Variants in CDH18 observed in about 807,000 individuals in gnomAD.
The protein encoded by CDH18 is cadherin 18.
CDH18 carries 31 observed loss-of-function variants against 67.9 expected under a neutral mutation model. The observed-to-expected ratio is 0.46, with a 90% CI of 0.34 to 0.62. The LOEUF (loss-of-function observed/expected upper bound fraction) is 0.62, where lower values mean the gene tolerates loss of function less well. Among genes scored for constraint, CDH18 ranks in the 20% least tolerant of loss-of-function variants. The pLI is 0.01. For synonymous variants in CDH18, 362 were observed against 347.2 expected, an observed-to-expected ratio of 1.04 and a Z score of -0.48; for missense variants, 890 against 975.5, an observed-to-expected ratio of 0.91 and a Z score of 1.17.
intron 2 of CDH18, among the ~76,000 whole-genome samples, chr5:20,157,862 G>A (rs572006196): frequency 7.9e-5 from 12 of 151,994 alleles, no homozygotes; most frequent in Admixed American, 2.0e-4. Flanking sequence ...GGATGGTCTC[G>A]ATCTCCTGAC....
chr5:19,933,979 G>A lies in CDH18; in HGVS notation c.-257+47081C>T, dbSNP rs556050986. On this transcript the variant is annotated intron_variant, in intron 2 of 12. Transcript: ENST00000382275. Reference sequence around the variant, plus strand: ...AATGTTCAAATTGCAACAATTCATAGCTACTTGGATGTCTAAGAGCATCTT... The same window carrying A: ...AATGTTCAAATTGCAACAATTCATAACTACTTGGATGTCTAAGAGCATCTT... Among the ~76,000 whole-genome samples, 58 of 151,454 alleles carry A rather than the reference G, an allele frequency of 3.8e-4. No homozygotes were observed. The East Asian group carries it at 9.3e-3, about 24-fold the overall frequency.
chr5:19,904,902 C>A (rs1489266186), intron 2 of CDH18, among the ~76,000 whole-genome samples: 1 of 151,950 alleles, frequency 6.6e-6, no homozygotes, highest in East Asian at 1.9e-4. Context: ...TTGAAAAATG[C>A]AGAGATTCAA....
chr5:20,488,161 T>C (rs1753326638), intron 1 of CDH18, among the ~76,000 whole-genome samples: 1 of 152,308 alleles, frequency 6.6e-6, no homozygotes, highest in South Asian at 2.1e-4. Context: ...TATCCTCATG[T>C]TATAAAATAT....
chr5:20,541,525 T>C (rs966076285), intron 1 of CDH18, among the ~76,000 whole-genome samples: 1 of 152,116 alleles, frequency 6.6e-6, no homozygotes, highest in Non-Finnish European at 1.5e-5. Flanking sequence ...AAACCCTAGA[T>C]AAAATATTAA....
chr5:19,741,409 G>T (rs1236094999), intron 4 of CDH18, among the ~76,000 whole-genome samples: 1 of 150,414 alleles, frequency 6.6e-6, no homozygotes, highest in Non-Finnish European at 1.5e-5. Context: ...AATTCAAGTG[G>T]TCTTCTAAAT....
chr5:19,499,577 C>A (rs572732278), intron 11 of CDH18, among the ~76,000 whole-genome samples: 59 of 151,864 alleles, frequency 3.9e-4, no homozygotes, highest in African/African-American at 1.3e-3. Flanking sequence ...ATACATATTT[C>A]TTTTACTGTT....
At chr5:19,729,911 T>C (rs1169788749) in intron 4 of CDH18, among the ~76,000 whole-genome samples, 1 of 152,166 alleles carries the variant, frequency 6.6e-6, no homozygotes, top group Non-Finnish European at 1.5e-5. Context: ...GCTTTCCTTA[T>C]CAACAGAATA....
chr5:19,903,541 G>A (rs1207613224), intron 2 of CDH18, among the ~76,000 whole-genome samples: 11 of 124,762 alleles, frequency 8.8e-5, no homozygotes, highest in East Asian at 5.0e-4. Flanking sequence ...GTGTGTGTGT[G>A]TATATATATA....
At chr5:19,572,708 C>T (rs1246067237) in intron 7 of CDH18, among the ~76,000 whole-genome samples, 1 of 152,138 alleles carries the variant, frequency 6.6e-6, no homozygotes, top group Admixed American at 6.5e-5. Flanking sequence ...GAAGGTTTCG[C>T]TCTAATTACC....
intron 4 of CDH18, among the ~76,000 whole-genome samples, chr5:19,740,407 ACAAATTT>A (rs1463405203): frequency 1.3e-5 from 2 of 152,144 alleles, no homozygotes; most frequent in Non-Finnish European, 2.9e-5. Flanking sequence ...TGCAATAGAA[ACAAATTT>A]CAGTTAATAC....
In CDH18 at chr5:19,472,687, A is replaced by G. The variant is rs1337799056; in HGVS notation, c.*539T>C. Among the ~76,000 whole-genome samples, 1 of 152,128 alleles carries G rather than the reference A, an allele frequency of 6.6e-6. No individual in the cohort carries two copies. The highest frequency in any genetic ancestry group is 1.5e-5 in the Non-Finnish European group (1 of 68,020). ...GGGAAATGGTACATACAAGTCCATGATAGAGTGGAAATACCTCATGTAATA... is the reference window on the plus strand; with the variant it reads ...GGGAAATGGTACATACAAGTCCATGGTAGAGTGGAAATACCTCATGTAATA... On this transcript the variant is annotated 3_prime_UTR_variant, in exon 13 of 13. Transcript: ENST00000382275.
At chr5:19,633,610 G>A (rs1580611349) in intron 5 of CDH18, among the ~76,000 whole-genome samples, 5 of 151,908 alleles carry the variant, frequency 3.3e-5, no homozygotes, top group Middle Eastern at 3.4e-3. Flanking sequence ...TCTGGCTACC[G>A]AAACTTGTTT....
intron 1 of CDH18, among the ~76,000 whole-genome samples, chr5:20,370,593 A>G (rs1742899358): frequency 6.6e-6 from 1 of 152,198 alleles, no homozygotes; most frequent in Non-Finnish European, 1.5e-5. Flanking sequence ...AGTATTGAAA[A>G]GACACAGGTG....
intron 2 of CDH18, among the ~76,000 whole-genome samples, chr5:20,250,286 T>A (rs149000466): frequency 1.6e-4 from 24 of 151,584 alleles, no homozygotes; most frequent in Admixed American, 5.2e-4. Flanking sequence ...TTTATTTTTT[T>A]TTTTATTTTA....
chr5:19,969,857 A>T (rs1198679768), intron 2 of CDH18, among the ~76,000 whole-genome samples: 1 of 152,110 alleles, frequency 6.6e-6, no homozygotes, highest in African/African-American at 2.4e-5. Context: ...TAAAATAAAA[A>T]AAGAAGGTGT....
chr5:19,737,418 G>A (rs150695571), intron 4 of CDH18, among the ~76,000 whole-genome samples: 1 of 152,112 alleles, frequency 6.6e-6, no homozygotes, highest in Non-Finnish European at 1.5e-5. Context: ...CTCTATGCCT[G>A]GTCACTATGC....
intron 2 of CDH18, among the ~76,000 whole-genome samples, chr5:20,120,641 A>G (rs953725975): frequency 6.6e-6 from 1 of 152,174 alleles, no homozygotes. Flanking sequence ...CCAATGCAAT[A>G]CACTGTTCTT....
At chr5:19,677,621 T>C (rs908080147) in intron 5 of CDH18, among the ~76,000 whole-genome samples, 22 of 151,632 alleles carry the variant, frequency 1.5e-4, no homozygotes, top group African/African-American at 4.6e-4. Context: ...GAGTGGCAAG[T>C]TGAATGAAGA....
intron 5 of CDH18, among the ~76,000 whole-genome samples, chr5:19,675,292 G>C (rs1940781505): frequency 6.6e-6 from 1 of 151,956 alleles, no homozygotes; most frequent in African/African-American, 2.4e-5. Flanking sequence ...TTTTTATCAG[G>C]AGACTGGGTT....
Sources: gnomAD v4.1 joint callset for allele counts (sites outside exome capture counted in the v4.1 genomes callset) on GRCh38, gnomAD v4.1.1 for gene constraint, MANE v1.5 for transcripts, NCBI Gene and HGNC (gene_info 2026-07-23, HGNC 2026-07-21) for gene names.